Variants in TENM2 observed in about 807,000 individuals in gnomAD.
The protein encoded by TENM2 is teneurin-2.
TENM2 carries 52 observed loss-of-function variants against 245.2 expected under a neutral mutation model. The observed-to-expected ratio is 0.21, with a 90% confidence interval of 0.17 to 0.27. The LOEUF (loss-of-function observed/expected upper bound fraction) is 0.27, where lower values mean the gene tolerates loss of function less well. Among genes scored for constraint, TENM2 ranks in the 10% least tolerant of loss-of-function variants. TENM2 has a pLI of 1.00. For synonymous variants in TENM2, 1,363 were observed against 1,438.9 expected (o/e 0.95, Z 1.19); for missense variants, 3,046 against 3,666.8 (o/e 0.83, Z 4.37).
At chr5:168,102,082 G>GT (rs1357771979) in intron 9 of TENM2, among the ~76,000 whole-genome samples, 36 of 151,550 alleles carry the variant, frequency 2.4e-4, no homozygotes, top group Middle Eastern at 3.4e-3. Flanking sequence ...TTTTGTTGTT[G>GT]TTTTTTTTGA....
At chr5:167,531,167 C>T (rs1363580199) in intron 2 of TENM2, among the ~76,000 whole-genome samples, 1 of 152,144 alleles carries the variant, frequency 6.6e-6, no homozygotes, top group African/African-American at 2.4e-5. Context: ...TGTATTCCCC[C>T]CTTATACCTC....
At chr5:168,258,016 A>T (rs1767835683) in intron 27 of TENM2, among the ~76,000 whole-genome samples, 2 of 152,136 alleles carry the variant, frequency 1.3e-5, no homozygotes, top group Admixed American at 1.3e-4. Context: ...GGAGGTGCTG[A>T]ACTGAGTAGA....
At chr5:168,193,572 G>A (rs982339373) in intron 14 of TENM2, among the ~76,000 whole-genome samples, 4 of 152,186 alleles carry the variant, frequency 2.6e-5, no homozygotes, top group Admixed American at 1.3e-4. Context: ...GAAATCACAG[G>A]CAGCACTACT....
At chr5:168,059,975 A>T (rs1012405194) in intron 6 of TENM2, among the ~76,000 whole-genome samples, 3 of 152,232 alleles carry the variant, frequency 2.0e-5, no homozygotes, top group African/African-American at 7.2e-5. Context: ...TTTAGCCAGT[A>T]TCAAAGTTAG....
At chr5:167,350,439 G>A (rs1758758927) in intron 1 of TENM2, among the ~76,000 whole-genome samples, 1 of 149,892 alleles carries the variant, frequency 6.7e-6, no homozygotes, top group Non-Finnish European at 1.5e-5. Flanking sequence ...GTGTGTGTGT[G>A]TGTGTGTATG....
the TENM2 span, among the ~76,000 whole-genome samples, chr5:167,093,665 C>T: frequency 6.6e-6 from 1 of 152,144 alleles, no homozygotes; most frequent in Non-Finnish European, 1.5e-5. Context: ...TGAGAATAGC[C>T]AACTGCACAA....
At chr5:168,026,471 G>A (rs993224429) in intron 5 of TENM2, among the ~76,000 whole-genome samples, 3 of 152,184 alleles carry the variant, frequency 2.0e-5, no homozygotes, top group African/African-American at 4.8e-5. Flanking sequence ...GAGCCTGATA[G>A]CTGAGAATGG....
At chr5:167,804,542 C>T (rs1308607350) in intron 2 of TENM2, among the ~76,000 whole-genome samples, 2 of 152,062 alleles carry the variant, frequency 1.3e-5, no homozygotes, top group Admixed American at 1.3e-4. Context: ...GTTTTATTTC[C>T]TTTACGTGCA....
At chr5:167,414,797 T>A (rs1218863924) in intron 2 of TENM2, among the ~76,000 whole-genome samples, 1 of 152,138 alleles carries the variant, frequency 6.6e-6, no homozygotes, top group East Asian at 1.9e-4. Context: ...TGGTTAAAGA[T>A]CACTCATCTT....
At chr5:167,455,155 T>A (rs1246353805) in intron 2 of TENM2, among the ~76,000 whole-genome samples, 2 of 152,168 alleles carry the variant, frequency 1.3e-5, no homozygotes, top group African/African-American at 4.8e-5. Context: ...TTGTGTAGAC[T>A]CATTAATGTT....
chr5:168,208,312 A>G (rs988329695), intron 19 of TENM2, among the ~76,000 whole-genome samples: 8 of 152,236 alleles, frequency 5.3e-5, no homozygotes, highest in African/African-American at 1.9e-4. Context: ...ATATTATGAT[A>G]TTAAACATGC....
At chr5:167,469,528 A>G (rs1008160147) in intron 2 of TENM2, among the ~76,000 whole-genome samples, 3 of 152,074 alleles carry the variant, frequency 2.0e-5, no homozygotes, top group African/African-American at 7.2e-5. Flanking sequence ...AATATTTGTT[A>G]TTGTGTATAA....
chr5:168,211,761 TGAA>T lies in TENM2; in HGVS notation c.3845+11_3845+13del. 1 of 1,346,330 alleles carries T rather than the reference TGAA, an allele frequency of 7.4e-7. No homozygotes were observed. Among genetic ancestry groups the T allele is most frequent in the Non-Finnish European group, 1.0e-6 (1 of 979,248 alleles). The allele number at this position is 1,346,330 out of a possible 1,614,324, so 83.4% of individuals were successfully genotyped here. On this transcript the variant is annotated splice_region_variant and intron_variant, in intron 20 of 28. Transcript: ENST00000518659. Reference sequence around the variant, plus strand: ...ATAAAGAGTTTAAACATAGGTAAGATGAAGAACTCTTTCCCATATAATTTGATA... The same window carrying T: ...ATAAAGAGTTTAAACATAGGTAAGATGAACTCTTTCCCATATAATTTGATA...
intron 2 of TENM2, among the ~76,000 whole-genome samples, chr5:167,388,215 T>C (rs755016597): frequency 6.6e-6 from 1 of 152,104 alleles, no homozygotes; most frequent in Non-Finnish European, 1.5e-5. Flanking sequence ...CTGTTCAGGG[T>C]ATCTAATTCT....
intron 2 of TENM2, among the ~76,000 whole-genome samples, chr5:167,390,615 G>A (rs1761691581): frequency 2.0e-5 from 3 of 152,114 alleles, no homozygotes; most frequent in Non-Finnish European, 2.9e-5. Flanking sequence ...TAAGCATGTG[G>A]AAGCAATTAC....
the TENM2 span, among the ~76,000 whole-genome samples, chr5:167,080,553 T>C: frequency 3.9e-5 from 6 of 152,126 alleles, no homozygotes; most frequent in African/African-American, 1.4e-4. Flanking sequence ...CACCTCTGTG[T>C]GGTCTTGCTT....
intron 4 of TENM2, among the ~76,000 whole-genome samples, chr5:167,988,978 T>G (rs553710229): frequency 6.6e-6 from 1 of 152,318 alleles, no homozygotes; most frequent in South Asian, 2.1e-4. Context: ...AAACTTCTTA[T>G]CTTTACCGTG....
At chr5:168,074,007 G>A (rs17069798) in intron 7 of TENM2, among the ~76,000 whole-genome samples, 95,892 of 152,020 alleles carry the variant, frequency 0.63, 30,692 homozygotes, top group Non-Finnish European at 0.67. Context: ...CAGGGAACTC[G>A]TTCACCTATC....
chr5:167,429,607 CTTTTT>C (rs10587909), intron 2 of TENM2, among the ~76,000 whole-genome samples: 1 of 78,702 alleles, frequency 1.3e-5, no homozygotes, highest in African/African-American at 5.1e-5. Context: ...CTCTCTCTCT[CTTTTT>C]TTTTTTTTTT....
Sources: gnomAD v4.1 joint callset for allele counts (sites outside exome capture counted in the v4.1 genomes callset) on GRCh38, gnomAD v4.1.1 for gene constraint, MANE v1.5 for transcripts, NCBI Gene and HGNC (gene_info 2026-07-23, HGNC 2026-07-21) for gene names.